Variants in CMIP observed in about 807,000 individuals in gnomAD.
The protein encoded by CMIP is C-Maf-inducing protein.
Under a neutral mutation model 97.3 loss-of-function variants are expected in CMIP, and 13 were observed. The ratio of observed to expected loss-of-function variants is 0.13; its 90% CI spans 0.09 to 0.21. CMIP has a LOEUF of 0.21. Among genes scored for constraint, CMIP ranks in the 10% least tolerant of loss-of-function variants. CMIP has a pLI of 1.00. For synonymous variants in CMIP, 538 were observed against 436.3 expected (o/e 1.23, Z -2.91); for missense variants, 847 against 1,024.9 (o/e 0.83, Z 2.37).
At chr16:81,498,853 C>T (rs772664303) in intron 1 of CMIP, among the ~76,000 whole-genome samples, 4 of 152,206 alleles carry the variant, frequency 2.6e-5, no homozygotes, top group Non-Finnish European at 5.9e-5. Context: ...AGTTAGTTTA[C>T]ACCGTGCACA....
At chr16:81,450,879 T>G (rs1413961498) in intron 1 of CMIP, among the ~76,000 whole-genome samples, 1 of 152,218 alleles carries the variant, frequency 6.6e-6, no homozygotes, top group Non-Finnish European at 1.5e-5. Context: ...CTAGTGGCCC[T>G]CCTTGGAGGC....
intron 1 of CMIP, among the ~76,000 whole-genome samples, chr16:81,554,115 A>G (rs1399129949): frequency 6.6e-6 from 1 of 152,252 alleles, no homozygotes; most frequent in African/African-American, 2.4e-5. Context: ...TCATTAAGTT[A>G]ATTGTCTTCC....
At chr16:81,515,121 G>A (rs2089887538) in intron 1 of CMIP, among the ~76,000 whole-genome samples, 1 of 152,222 alleles carries the variant, frequency 6.6e-6, no homozygotes, top group South Asian at 2.1e-4. Flanking sequence ...AAAGCTCTCA[G>A]CCTTTTCCCT....
chr16:81,577,909 G>A (rs111429342), intron 1 of CMIP, among the ~76,000 whole-genome samples: 37 of 72,364 alleles, frequency 5.1e-4, no homozygotes, highest in African/African-American at 1.3e-3. Flanking sequence ...TATTATCACT[G>A]TCACCATCAC....
chr16:81,539,189 G>C (rs1293117436), intron 1 of CMIP, among the ~76,000 whole-genome samples: 1 of 152,168 alleles, frequency 6.6e-6, no homozygotes, highest in Non-Finnish European at 1.5e-5. Flanking sequence ...CTGTGAGAAA[G>C]AAATGCTTGC....
intron 1 of CMIP, among the ~76,000 whole-genome samples, chr16:81,509,813 G>T (rs1430779401): frequency 6.6e-6 from 1 of 152,188 alleles, no homozygotes; most frequent in African/African-American, 2.4e-5. Flanking sequence ...TCAGCTTGCT[G>T]TCTTCCTGTC....
chr16:81,554,581 C>T (rs914219488), intron 1 of CMIP, among the ~76,000 whole-genome samples: 5 of 152,224 alleles, frequency 3.3e-5, no homozygotes, highest in Non-Finnish European at 5.9e-5. Flanking sequence ...GGTGTATAAT[C>T]GAATTCATGT....
intron 1 of CMIP, among the ~76,000 whole-genome samples, chr16:81,582,955 TG>T (rs1356944845): frequency 6.6e-6 from 1 of 152,026 alleles, no homozygotes; most frequent in Non-Finnish European, 1.5e-5. Context: ...GGTGGCAGTG[TG>T]GGGTAGCAGA....
chr16:81,575,554 T>G (rs1395747572), intron 1 of CMIP, among the ~76,000 whole-genome samples: 3 of 152,042 alleles, frequency 2.0e-5, no homozygotes, highest in Non-Finnish European at 1.5e-5. Flanking sequence ...TAGTGCAGAG[T>G]AAACACAAGG....
intron 18 of CMIP, among the ~76,000 whole-genome samples, chr16:81,704,964 T>C (rs1907964686): frequency 6.6e-6 from 1 of 151,902 alleles, no homozygotes; most frequent in Admixed American, 6.6e-5. Context: ...CGCAGGAGGC[T>C]TCTGGGTCTT....
At position 81,707,104 on chromosome 16, in the gene CMIP, C is replaced by G. The variant is rs746175350; in HGVS notation, c.2268+20C>G. On this transcript the variant is annotated intron_variant, in intron 20 of 20. Transcript: ENST00000537098. The stretch of plus-strand genomic sequence containing the variant: ...CTGAAGGTAATTCCCTCCTTCCTCC[C>G]CACTCTCCTCCCCTCCTTCTTCTAG... 1 of 1,602,520 alleles carries G rather than the reference C, an allele frequency of 6.2e-7. No individual in the cohort carries two copies. The highest frequency in any genetic ancestry group is 1.3e-5 in the African/African-American group (1 of 74,802).
At chr16:81,704,208 T>TCCTGCCCCCTCCCCCTCCTC (rs1907770085) in intron 18 of CMIP, 123 bp downstream of exon 18, 4 of 356,908 alleles carry the variant, frequency 1.1e-5, no homozygotes, top group South Asian at 2.8e-5. Context: ...TCCCCCTCCT[T>TCCTGCCCCCTCCCCCTCCTC]CCTGCCCCCT....
chr16:81,632,888 T>C (rs559646418), intron 3 of CMIP, among the ~76,000 whole-genome samples: 25 of 151,836 alleles, frequency 1.6e-4, no homozygotes, highest in Non-Finnish European at 2.9e-4. Context: ...CCCCACCTTC[T>C]GGGTAAAGGT....
chr16:81,525,193 G>C (rs772133563), intron 1 of CMIP, among the ~76,000 whole-genome samples: 3 of 151,932 alleles, frequency 2.0e-5, no homozygotes, highest in Admixed American at 6.6e-5. Flanking sequence ...ACCCAGGCTG[G>C]AGTGCAGTGG....
chr16:81,646,412 C>G (rs548225402), intron 3 of CMIP, among the ~76,000 whole-genome samples: 5 of 152,260 alleles, frequency 3.3e-5, no homozygotes, highest in African/African-American at 1.2e-4. Flanking sequence ...CGCTTCGCCA[C>G]TGAGCCATAC....
In CMIP at chr16:81,472,316, C is replaced by T. The variant is rs528667521; in HGVS notation, c.300+26775C>T. 9.2e-5 allele frequency among the ~76,000 whole-genome samples: 14 copies of T among 152,336 alleles called. No homozygotes were observed. In the South Asian group the frequency reaches 2.9e-3, roughly 32 times the overall value. On this transcript the variant is annotated intron_variant, in intron 1 of 20. Transcript: ENST00000537098. ...AGGATTCCATGAGAGGATGTATGAA[C>T]CAACTTGAGAGCAAGGCTCAGAACC...
intron 14 of CMIP, chr16:81,698,093 A>T (rs543824563): frequency 2.0e-5 from 3 of 147,994 alleles, no homozygotes; most frequent in African/African-American, 5.0e-5. Flanking sequence ...TGTATGCCAG[A>T]GCTGTTCATG....
intron 7 of CMIP, among the ~76,000 whole-genome samples, chr16:81,667,467 G>C (rs1380450763): frequency 1.3e-5 from 2 of 152,180 alleles, no homozygotes; most frequent in African/African-American, 4.8e-5. Context: ...TTTCCAAGGG[G>C]AGCGTATTTT....
At chr16:81,590,604 A>G (rs1390682839) in intron 1 of CMIP, among the ~76,000 whole-genome samples, 1 of 152,220 alleles carries the variant, frequency 6.6e-6, no homozygotes, top group African/African-American at 2.4e-5. Context: ...AAATTTCTGC[A>G]GAACTTGTCT....
Sources: allele counts gnomAD v4.1 joint callset (sites outside exome capture counted in the v4.1 genomes callset), GRCh38; gene constraint gnomAD v4.1.1; transcripts MANE v1.5; gene names NCBI Gene and HGNC (gene_info 2026-07-23, HGNC 2026-07-21).